CCM2: variants seen among roughly 807,000 people sequenced by gnomAD.
CCM2 encodes the protein CCM2 scaffold protein, also known as cerebral cavernous malformations 2 protein.
In CCM2, 25 loss-of-function variants were observed where a neutral mutation model predicts 44.9. That is an observed-to-expected ratio of 0.56 (90% CI 0.41 to 0.78). CCM2 has a LOEUF of 0.78. Ranked by LOEUF, CCM2 falls within the 30% of genes least tolerant of loss-of-function variation. CCM2 has a pLI of 0.00. For missense variants in CCM2, 481 were observed against 580.6 expected, an observed-to-expected ratio of 0.83 and a Z score of 1.76; for synonymous variants, 219 against 241.1, an observed-to-expected ratio of 0.91 and a Z score of 0.85.
intron 1 of CCM2, among the ~76,000 whole-genome samples, chr7:45,008,300 A>T (rs1039014997): frequency 2.0e-5 from 3 of 150,714 alleles, no homozygotes; most frequent in Non-Finnish European, 4.4e-5. Context: ...GTCCTCCCGA[A>T]GTCCTGACCA....
At chr7:45,005,806 C>T (rs552183796) in intron 1 of CCM2, among the ~76,000 whole-genome samples, 2 of 152,332 alleles carry the variant, frequency 1.3e-5, no homozygotes, top group East Asian at 1.9e-4. Flanking sequence ...ATGGGGCAGG[C>T]AGCAGCCACT....
chr7:45,042,305 A>G (rs1797550842), intron 2 of CCM2, among the ~76,000 whole-genome samples: 2 of 146,642 alleles, frequency 1.4e-5, no homozygotes, highest in African/African-American at 2.5e-5. Flanking sequence ...CTGAGGGCCT[A>G]GGTTAAATTT....
intron 1 of CCM2, among the ~76,000 whole-genome samples, chr7:45,030,170 G>T (rs1389566980): frequency 6.6e-6 from 1 of 152,124 alleles, no homozygotes; most frequent in Non-Finnish European, 1.5e-5. Context: ...CTCCACTCAT[G>T]GAAGAGAAAT....
chr7:45,021,360 C>G (rs1294469456), intron 1 of CCM2, among the ~76,000 whole-genome samples: 2 of 151,920 alleles, frequency 1.3e-5, no homozygotes, highest in African/African-American at 4.8e-5. Flanking sequence ...GTCAGGAGTT[C>G]AAGACCAGCC....
At position 45,069,830 on chromosome 7, in the gene CCM2, C is replaced by A. The variant is rs1798967745; in HGVS notation, c.614C>A (p.Ala205Asp). 6.2e-7 allele frequency: 1 copy of A among 1,614,172 alleles called. No homozygotes were observed. Among genetic ancestry groups the A allele is most frequent in the Non-Finnish European group, 8.5e-7 (1 of 1,180,054 alleles). Residue 205 changes from alanine (A) to aspartate (D), a missense_variant, in exon 6 of 10, where the codon GCT becomes GAT. Coordinates refer to ENST00000258781, the MANE Select transcript of CCM2 (RefSeq NM_031443.4). ...LVILAAESKV[A>D]AEELCCLLGQ... ...AGCTGCTGTCCCCCACTGCAGGTCG[C>A]TGCGGAGGAGCTTTGCTGTCTGCTA...
intron 1 of CCM2, among the ~76,000 whole-genome samples, chr7:45,012,401 T>G (rs568153670): frequency 4.6e-5 from 7 of 152,292 alleles, no homozygotes; most frequent in African/African-American, 1.4e-4. Context: ...CCCAAAGTGC[T>G]GGGATTACAG....
chr7:45,027,740 T>A (rs904462838), intron 1 of CCM2: 3 of 1,614,044 alleles, frequency 1.9e-6, no homozygotes, highest in African/African-American at 2.7e-5. Context: ...GGAACCAGAA[T>A]CTCTCCAAAG....
Position 45,075,994 on chromosome 7 carries a change from G to A in CCM2, c.1272G>A (p.Met424Ile), listed in dbSNP as rs1279003303. ...CAGAGGGGGATGAGTGGGACCGCAT[G>A]ATCTCGGACATCAGCAGCGACATTG... The part of the protein sequence containing the change: ...APSEGDEWDR[M>I]ISDISSDIEA... Residue 424 changes from methionine (M) to isoleucine (I), a missense_variant, in exon 10 of 10, where the codon ATG (methionine) becomes ATA (isoleucine). Physicochemically the swap from Met to Ile is conservative, Grantham distance 10. Transcript: ENST00000258781. The A allele has an allele frequency of 1.9e-6, 3 of 1,613,018 alleles. No homozygotes were observed. The highest frequency in any genetic ancestry group is 2.5e-6 in the Non-Finnish European group (3 of 1,180,026).
intron 1 of CCM2, among the ~76,000 whole-genome samples, chr7:45,004,643 G>A (rs1795773079): frequency 1.3e-5 from 2 of 152,166 alleles, no homozygotes; most frequent in African/African-American, 4.8e-5. Context: ...CTGTATAACC[G>A]AAGTGAAAGT....
At chr7:45,054,678 A>G (rs1035006442) in intron 2 of CCM2, among the ~76,000 whole-genome samples, 3 of 152,108 alleles carry the variant, frequency 2.0e-5, no homozygotes, top group African/African-American at 7.2e-5. Context: ...TCTTTCACTA[A>G]TCCCAGAACT....
At chr7:45,071,806 C>T (rs1799087117) in intron 6 of CCM2, 1 of 456,658 alleles carries the variant, frequency 2.2e-6, no homozygotes, top group Non-Finnish European at 4.4e-6. Context: ...GCTTCCTCTG[C>T]ATTTCAGGAC....
In CCM2 at chr7:45,068,505, G is replaced by A; in HGVS notation, c.535G>A (p.Ala179Thr). The A allele has an allele frequency of 6.2e-7, 1 of 1,614,156 alleles. No individual in the cohort carries two copies. Residue 179 changes from alanine (A) to threonine (T), a missense_variant, in exon 5 of 10, where the codon GCA (alanine) becomes ACA (threonine). By Grantham distance (58) the Ala-to-Thr change is moderately conservative. Transcript: ENST00000258781. ...TGCGGAAAGTTCCAGAGGCCTCAGT[G>A]CAGGCTCCCTGTCGGAGAGTGCAGT... ...LCAESSRGLS[A>T]GSLSESAVGP...
At chr7:45,071,518 T>C (rs2128751372) in intron 6 of CCM2, 1 of 287,094 alleles carries the variant, frequency 3.5e-6, no homozygotes, top group South Asian at 3.0e-5. Flanking sequence ...TTTTGCTTGC[T>C]GTGTTCTCTC....
In CCM2 at chr7:45,000,293, C is replaced by T. The variant is rs890443174; in HGVS notation, c.-41C>T. On this transcript the variant is annotated 5_prime_UTR_variant, in exon 1 of 10. Coordinates refer to ENST00000258781, the MANE Select transcript of CCM2 (RefSeq NM_031443.4). ...TAGCGGCTGCTGGCGGCGGGGCTCC[C>T]GGGGCGGGCCGGGCGGGCCGCGGGA... The T allele has an allele frequency of 1.0e-5, 12 of 1,154,232 alleles. No individual in the cohort carries two copies. The Admixed American group carries it at 1.6e-4, about 15-fold the overall frequency. 71.5% of individuals were successfully genotyped at this position (1,154,232 alleles called of 1,614,324 possible). A position where few individuals can be genotyped will look rare whatever the true frequency, so the allele number is the denominator to read the frequency against.
At chr7:45,009,837 G>A (rs1795998025) in intron 1 of CCM2, among the ~76,000 whole-genome samples, 1 of 151,936 alleles carries the variant, frequency 6.6e-6, no homozygotes, top group Non-Finnish European at 1.5e-5. Context: ...ACATTAGCAT[G>A]CATGTCATTA....
At chr7:45,003,607 C>T (rs533071325) in intron 1 of CCM2, among the ~76,000 whole-genome samples, 1 of 151,880 alleles carries the variant, frequency 6.6e-6, no homozygotes, top group African/African-American at 2.4e-5. Flanking sequence ...TGGCATGTGC[C>T]TATAATCCCA....
At chr7:45,027,613 T>C in intron 1 of CCM2, 1 of 1,611,318 alleles carries the variant, frequency 6.2e-7, no homozygotes, top group African/African-American at 1.3e-5. Context: ...AAGGAAGCTG[T>C]GGTTTCTGGT....
At chr7:45,007,125 C>T (rs1304720533) in intron 1 of CCM2, among the ~76,000 whole-genome samples, 3 of 152,164 alleles carry the variant, frequency 2.0e-5, no homozygotes, top group South Asian at 2.1e-4. Context: ...TGGCCACGGA[C>T]GAGCTGCTCA....
At chr7:45,013,275 T>C (rs139152672) in intron 1 of CCM2, among the ~76,000 whole-genome samples, 262 of 152,290 alleles carry the variant, frequency 1.7e-3, no homozygotes, top group African/African-American at 6.0e-3. Context: ...TTGGCATATA[T>C]TTTCTTTCTA....
Sources: gnomAD v4.1 joint callset for allele counts (sites outside exome capture counted in the v4.1 genomes callset) on GRCh38, gnomAD v4.1.1 for gene constraint, MANE v1.5 for transcripts, NCBI Gene and HGNC (gene_info 2026-07-23, HGNC 2026-07-21) for gene names.